The following GRID2 variants were observed in gnomAD, a reference collection of about 807,000 sequenced individuals.
The protein encoded by GRID2 is glutamate receptor ionotropic, delta-2.
A neutral mutation model predicts 114.8 loss-of-function variants in GRID2; 33 were observed. The ratio of observed to expected loss-of-function variants is 0.29; its 90% CI spans 0.22 to 0.38. The LOEUF (loss-of-function observed/expected upper bound fraction) is 0.38, where lower values mean the gene tolerates loss of function less well. Ranked by LOEUF, GRID2 falls within the 10% of genes least tolerant of loss-of-function variation. The probability of loss-of-function intolerance (pLI) is 1.00; values close to 1 mark genes in which losing one functional copy is unlikely to be tolerated. For missense variants in GRID2, 1,184 were observed against 1,257.7 expected (o/e 0.94, Z 0.89); for synonymous variants, 505 against 449.9 (o/e 1.12, Z -1.55).
intron 1 of GRID2, among the ~76,000 whole-genome samples, chr4:92,576,983 C>T (rs2149198516): frequency 6.6e-6 from 1 of 152,218 alleles, no homozygotes; most frequent in African/African-American, 2.4e-5. Context: ...AAATATATGT[C>T]TGCAGTTCAG....
chr4:93,101,913 T>C (rs983199093), intron 3 of GRID2, among the ~76,000 whole-genome samples: 1 of 152,174 alleles, frequency 6.6e-6, no homozygotes, highest in Non-Finnish European at 1.5e-5. Flanking sequence ...AAAATCAAGA[T>C]AAATGTTGTT....
intron 2 of GRID2, among the ~76,000 whole-genome samples, chr4:93,074,683 G>GA (rs1022080670): frequency 1.3e-5 from 2 of 152,056 alleles, no homozygotes; most frequent in African/African-American, 4.8e-5. Flanking sequence ...AAGCAACAAA[G>GA]AAAAATCAAT....
intron 1 of GRID2, among the ~76,000 whole-genome samples, chr4:92,508,942 A>G (rs1420534281): frequency 6.6e-6 from 1 of 151,666 alleles, no homozygotes; most frequent in Non-Finnish European, 1.5e-5. Context: ...TTGAAGATGT[A>G]TTACATAAAA....
chr4:93,168,430 C>T (rs140850023), intron 4 of GRID2, among the ~76,000 whole-genome samples: 4 of 152,076 alleles, frequency 2.6e-5, no homozygotes, highest in African/African-American at 9.6e-5. Flanking sequence ...AAGAAAGCAG[C>T]TCAAAAATGT....
chr4:93,805,441 A>T (rs554413441), intron 1 of GRID2, among the ~76,000 whole-genome samples: 1 of 152,322 alleles, frequency 6.6e-6, no homozygotes, highest in East Asian at 1.9e-4. Context: ...AGGTCTTTAG[A>T]GCTGATTTCT....
At chr4:93,780,911 G>A (rs570852310) in intron 1 of GRID2, among the ~76,000 whole-genome samples, 2 of 152,154 alleles carry the variant, frequency 1.3e-5, no homozygotes, top group Non-Finnish European at 2.9e-5. Context: ...CAATAATTTC[G>A]GTATGTGCTG....
intron 2 of GRID2, among the ~76,000 whole-genome samples, chr4:93,034,491 G>T (rs534599332): frequency 3.3e-5 from 5 of 152,244 alleles, no homozygotes; most frequent in African/African-American, 1.2e-4. Flanking sequence ...CACTCTGCCT[G>T]GGAATGCTTT....
chr4:92,521,747 CAT>C (rs1452277301), intron 1 of GRID2, among the ~76,000 whole-genome samples: 5 of 151,970 alleles, frequency 3.3e-5, no homozygotes, highest in Admixed American at 2.0e-4. Context: ...TAAGAAAAGA[CAT>C]GTGAGAATCA....
At chr4:93,290,964 G>A (rs1344772612) in intron 8 of GRID2, among the ~76,000 whole-genome samples, 4 of 129,790 alleles carry the variant, frequency 3.1e-5, no homozygotes, top group Admixed American at 1.0e-4. Flanking sequence ...TGCAAGCTCC[G>A]CCTCCCGGGT....
intron 1 of GRID2, among the ~76,000 whole-genome samples, chr4:92,452,878 A>G (rs528226190): frequency 1.3e-5 from 2 of 148,358 alleles, no homozygotes; most frequent in South Asian, 4.2e-4. Flanking sequence ...TTTTTACCAT[A>G]TATATATATT....
At chr4:92,978,777 A>G (rs1754017730) in intron 2 of GRID2, among the ~76,000 whole-genome samples, 1 of 152,136 alleles carries the variant, frequency 6.6e-6, no homozygotes, top group African/African-American at 2.4e-5. Context: ...CATGCCTGTA[A>G]TCCTGGCACT....
intron 13 of GRID2, among the ~76,000 whole-genome samples, chr4:93,574,091 A>G (rs775414179): frequency 5.9e-5 from 9 of 152,160 alleles, no homozygotes; most frequent in African/African-American, 9.7e-5. Flanking sequence ...CCATTTCAAC[A>G]TATGTTCAGA....
chr4:93,380,072 T>C (rs376173756), intron 8 of GRID2, among the ~76,000 whole-genome samples: 72 of 152,234 alleles, frequency 4.7e-4, no homozygotes, highest in African/African-American at 1.7e-3. Context: ...CCCTGGAACA[T>C]GTAAATGTGA....
intron 2 of GRID2, among the ~76,000 whole-genome samples, chr4:93,026,301 T>G (rs540838013): frequency 2.6e-5 from 4 of 151,914 alleles, no homozygotes; most frequent in Non-Finnish European, 5.9e-5. Context: ...TTATAAAATA[T>G]TTATAGGGCA....
At chr4:92,607,265 TAAAC>T (rs768706010) in intron 2 of GRID2, among the ~76,000 whole-genome samples, 72 of 152,062 alleles carry the variant, frequency 4.7e-4, no homozygotes, top group Non-Finnish European at 8.1e-4. Context: ...ACAAATGAAA[TAAAC>T]ACGAATGTTA....
intron 2 of GRID2, among the ~76,000 whole-genome samples, chr4:92,843,082 T>A (rs1007829341): frequency 1.3e-5 from 2 of 151,060 alleles, no homozygotes; most frequent in Non-Finnish European, 1.5e-5. Context: ...ATACAAAAAA[T>A]AAAAATAAAA....
At chr4:92,719,276 T>A (rs1382619290) in intron 2 of GRID2, among the ~76,000 whole-genome samples, 1 of 152,132 alleles carries the variant, frequency 6.6e-6, no homozygotes, top group Non-Finnish European at 1.5e-5. Context: ...CATGAGTCAC[T>A]GTGCCTGGCC....
downstream of GRID2, among the ~76,000 whole-genome samples, chr4:93,777,007 A>G (rs1029029203): frequency 6.6e-6 from 1 of 152,186 alleles, no homozygotes; most frequent in East Asian, 1.9e-4. Flanking sequence ...GATCTTTTTC[A>G]TACTGCAACT....
intron 4 of GRID2, among the ~76,000 whole-genome samples, chr4:93,165,536 G>A (rs560813520): frequency 6.6e-6 from 1 of 152,210 alleles, no homozygotes; most frequent in Admixed American, 6.5e-5. Context: ...ACTGTTGACA[G>A]CAGAGAATCA....
Sources: allele counts gnomAD v4.1 joint callset (sites outside exome capture counted in the v4.1 genomes callset), GRCh38; gene constraint gnomAD v4.1.1; transcripts MANE v1.5; gene names NCBI Gene and HGNC (gene_info 2026-07-23, HGNC 2026-07-21).